The following PTPN14 variants were observed in gnomAD, a reference collection of about 807,000 sequenced individuals.
The protein encoded by PTPN14 is protein tyrosine phosphatase non-receptor type 14.
Under a neutral mutation model 126.8 loss-of-function variants are expected in PTPN14, and 53 were observed. The observed-to-expected ratio is 0.42, with a 90% CI of 0.34 to 0.53. The LOEUF (loss-of-function observed/expected upper bound fraction) is 0.53. Among genes scored for constraint, PTPN14 ranks in the 20% least tolerant of loss-of-function variants. PTPN14 has a pLI of 0.08. For synonymous variants in PTPN14, 630 were observed against 599.3 expected (o/e 1.05, Z -0.75); for missense variants, 1,257 against 1,552.9 (o/e 0.81, Z 3.20).
At chr1:214,359,828 T>G (rs182682978) in intron 18 of PTPN14, among the ~76,000 whole-genome samples, 54 of 152,378 alleles carry the variant, frequency 3.5e-4, no homozygotes, top group Admixed American at 3.5e-3. Flanking sequence ...GCCTTGAGTC[T>G]TAAATGAGAA....
intron 3 of PTPN14, among the ~76,000 whole-genome samples, chr1:214,433,671 A>G (rs1659842532): frequency 6.6e-6 from 1 of 152,066 alleles, no homozygotes; most frequent in Admixed American, 6.6e-5. Flanking sequence ...TTCTGCTTAT[A>G]CGTCCAGTTC....
At chr1:214,429,682 GA>G (rs777681978) in intron 3 of PTPN14, among the ~76,000 whole-genome samples, 1 of 152,132 alleles carries the variant, frequency 6.6e-6, no homozygotes, top group Non-Finnish European at 1.5e-5. Context: ...AACAATGAAT[GA>G]AAAATCCTTG....
intron 11 of PTPN14, among the ~76,000 whole-genome samples, chr1:214,389,173 G>A (rs1200102682): frequency 6.6e-6 from 1 of 152,164 alleles, no homozygotes; most frequent in Non-Finnish European, 1.5e-5. Flanking sequence ...GGAGGGATTT[G>A]TACAAGGGAA....
chr1:214,358,241 G>A (rs1383521906), intron 18 of PTPN14, among the ~76,000 whole-genome samples, 191 bp from the exon 19 acceptor site: 3 of 152,148 alleles, frequency 2.0e-5, no homozygotes, highest in Non-Finnish European at 4.4e-5. Flanking sequence ...TGGTCATCAT[G>A]TGTCACTGGT....
At chr1:214,457,496 C>T (rs938336184) in intron 2 of PTPN14, among the ~76,000 whole-genome samples, 2 of 152,124 alleles carry the variant, frequency 1.3e-5, no homozygotes, top group African/African-American at 4.8e-5. Context: ...TTTGTTATAT[C>T]ATTTATCCTT....
intron 1 of PTPN14, among the ~76,000 whole-genome samples, chr1:214,542,175 CAT>C (rs965367671): frequency 3.3e-5 from 5 of 152,148 alleles, no homozygotes; most frequent in South Asian, 2.1e-4. Flanking sequence ...TGTACACACA[CAT>C]ATAGTATGCA....
intron 3 of PTPN14, among the ~76,000 whole-genome samples, chr1:214,433,947 CACACAAA>C (rs748323307): frequency 0.12 from 2,632 of 22,496 alleles, 50 homozygotes; most frequent in African/African-American, 0.32. Flanking sequence ...CACACACACA[CACACAAA>C]AAAAAAAAAA....
intron 1 of PTPN14, among the ~76,000 whole-genome samples, chr1:214,535,175 T>C (rs1655671584): frequency 6.6e-6 from 1 of 152,198 alleles, no homozygotes; most frequent in Non-Finnish European, 1.5e-5. Context: ...CAATGAAGTA[T>C]CTGTTTATAC....
chr1:214,491,506 C>A (rs568742638), intron 1 of PTPN14, among the ~76,000 whole-genome samples: 2 of 152,300 alleles, frequency 1.3e-5, no homozygotes, highest in African/African-American at 2.4e-5. Flanking sequence ...GAGTTAAATT[C>A]TCATAAGGAG....
rs896814782 is a variant in PTPN14, at chr1:214,395,000, A to G, written c.759-14T>C. ...ATGTCATTCCACCTGGTTAGAAGAA[A>G]TGTCACTGTGTTTACTCAACAATGT... On this transcript the variant is annotated splice_polypyrimidine_tract_variant and intron_variant, in intron 8 of 18. Coordinates refer to ENST00000366956, the MANE Select transcript of PTPN14 (RefSeq NM_005401.5). 2.8e-5 allele frequency: 44 copies of G among 1,595,866 alleles called. No homozygotes were observed. The East Asian group carries it at 9.8e-4, about 36-fold the overall frequency.
rs1223990883 is a variant in PTPN14 at position 214,357,306 on chromosome 1, G to A, written c.*616C>T. On this transcript the variant is annotated 3_prime_UTR_variant, in exon 19 of 19. Coordinates refer to ENST00000366956, the MANE Select transcript of PTPN14 (RefSeq NM_005401.5). Reference sequence around the variant, plus strand: ...AACTCAAGCTTGGGGGGGAAGTTGGGGTGGGGCGTGGGGGAGAGGAGACTA... The same window carrying A: ...AACTCAAGCTTGGGGGGGAAGTTGGAGTGGGGCGTGGGGGAGAGGAGACTA... 1.3e-5 allele frequency: 2 copies of A among 151,928 alleles called. No individual in the cohort carries two copies. Among genetic ancestry groups the A allele is most frequent in the Non-Finnish European group, 2.9e-5 (2 of 68,018 alleles). The allele number at this position is 151,928 out of a possible 1,614,324, so 9.4% of individuals were successfully genotyped here.
chr1:214,411,368 A>G (rs1659305140), intron 5 of PTPN14, among the ~76,000 whole-genome samples: 1 of 152,210 alleles, frequency 6.6e-6, no homozygotes, highest in South Asian at 2.1e-4. Flanking sequence ...AACCCTAAAG[A>G]TTCCACAAAA....
intron 10 of PTPN14, among the ~76,000 whole-genome samples, chr1:214,391,917 C>T (rs946005280): frequency 2.6e-4 from 40 of 152,164 alleles, no homozygotes; most frequent in African/African-American, 8.7e-4. Flanking sequence ...TATATACCGC[C>T]GCCTAATTTT....
intron 1 of PTPN14, among the ~76,000 whole-genome samples, chr1:214,513,183 A>C (rs1219010747): frequency 6.6e-6 from 1 of 152,224 alleles, no homozygotes; most frequent in African/African-American, 2.4e-5. Flanking sequence ...GCAGTAGGAA[A>C]GTTGGAAACT....
At position 214,364,766 on chromosome 1, in the gene PTPN14, A is replaced by AGTGTGTGTGTGTGTGTGTGTGC. The variant is rs1658040213; in HGVS notation, c.3272-92_3272-91insGCACACACACACACACACACAC. ...GGGGAGCGGAAGAGAACTGATGGTG[A>AGTGTGTGTGTGTGTGTGTGTGC]GTGTGTGTGTGTGTGTGTGTGTGTG... is the stretch of plus-strand genomic sequence containing the variant. On this transcript the variant is annotated intron_variant, in intron 17 of 18. Coordinates refer to ENST00000366956, the MANE Select transcript of PTPN14 (RefSeq NM_005401.5). The surrounding 1 kb of genome is among the most constrained non-coding windows in gnomAD (Gnocchi z 4.1). 1 of 550,238 alleles carries AGTGTGTGTGTGTGTGTGTGTGC rather than the reference A, an allele frequency of 1.8e-6. No individual in the cohort carries two copies. The allele number at this position is 550,238 out of a possible 1,614,324, so 34.1% of individuals were successfully genotyped here.
At chr1:214,504,519 C>T (rs1654785378) in intron 1 of PTPN14, among the ~76,000 whole-genome samples, 1 of 152,184 alleles carries the variant, frequency 6.6e-6, no homozygotes, top group Admixed American at 6.5e-5. Flanking sequence ...AAGCAAATGG[C>T]AGGCACCCAG....
At chr1:214,519,942 G>T (rs1655201801) in intron 1 of PTPN14, among the ~76,000 whole-genome samples, 1 of 151,220 alleles carries the variant, frequency 6.6e-6, no homozygotes. Context: ...AGCTACTTGG[G>T]AGGGTGAGGT....
chr1:214,504,563 G>A lies in PTPN14; in HGVS notation c.-154-39606C>T, dbSNP rs185570265. Among the ~76,000 whole-genome samples the A allele has an allele frequency of 1.5e-3, 222 of 152,282 alleles. 1 individual carries two copies. The highest frequency in any genetic ancestry group is 4.3e-4 in the Non-Finnish European group (29 of 68,018). The stretch of plus-strand genomic sequence containing the variant: ...CTCTTAGGACCACAATGTCCACAGA[G>A]GTGATGTCCCAGCCCCATCTCTGAA... On this transcript the variant is annotated intron_variant, in intron 1 of 18. Transcript: ENST00000366956.
Position 214,457,721 on chromosome 1 carries a change from A to G in PTPN14, c.175-5747T>C, listed in dbSNP as rs760655177. ...AGTACCAAAAGTGAAATTACTTTTAATAAATATTATTTAAAACACGTTCAA... is the reference window on the plus strand; with the variant it reads ...AGTACCAAAAGTGAAATTACTTTTAGTAAATATTATTTAAAACACGTTCAA... On this transcript the variant is annotated intron_variant, in intron 2 of 18. Coordinates refer to ENST00000366956, the MANE Select transcript of PTPN14 (RefSeq NM_005401.5). Among the ~76,000 whole-genome samples, 4 of 152,242 alleles carry G rather than the reference A, an allele frequency of 2.6e-5. No individual in the cohort carries two copies. In the South Asian group the frequency reaches 6.2e-4, roughly 24 times the overall value.
Sources: allele counts gnomAD v4.1 joint callset (sites outside exome capture counted in the v4.1 genomes callset), GRCh38; gene constraint gnomAD v4.1.1; non-coding constraint Gnocchi (gnomAD v3.1); transcripts MANE v1.5; gene names NCBI Gene and HGNC (gene_info 2026-07-23, HGNC 2026-07-21).